The following C12orf42 variants were observed in gnomAD, a reference collection of about 807,000 sequenced individuals.
C12orf42 encodes uncharacterized protein C12orf42.
In C12orf42, 25 loss-of-function variants were observed where a neutral mutation model predicts 21.6. The observed-to-expected ratio is 1.16, with a 90% CI of 0.84 to 1.62. The LOEUF (loss-of-function observed/expected upper bound fraction) is 1.62, where lower values mean the gene tolerates loss of function less well. C12orf42 is among the 40% of genes most tolerant of loss of function. C12orf42 has a pLI of 0.00. For missense variants in C12orf42, 483 were observed against 459.3 expected, an observed-to-expected ratio of 1.05 and a Z score of -0.47; for synonymous variants, 174 against 175.0, an observed-to-expected ratio of 0.99 and a Z score of 0.05.
At chr12:103,124,491 T>C in the C12orf42 span, among the ~76,000 whole-genome samples, 5 of 152,276 alleles carry the variant, frequency 3.3e-5, no homozygotes, top group Non-Finnish European at 7.4e-5. Context: ...GAGATCCTTG[T>C]TCACATGATA....
At chr12:103,271,311 G>A (rs2035460939) in intron 5 of C12orf42, among the ~76,000 whole-genome samples, 1 of 152,142 alleles carries the variant, frequency 6.6e-6, no homozygotes, top group Admixed American at 6.6e-5. Context: ...AATTGTCTTT[G>A]GGAAGATACA....
At chr12:103,283,291 A>G (rs2036243714) in intron 4 of C12orf42, among the ~76,000 whole-genome samples, 1 of 152,148 alleles carries the variant, frequency 6.6e-6, no homozygotes, top group Admixed American at 6.5e-5. Flanking sequence ...CATTTCTACA[A>G]TCACTGTCTT....
At chr12:103,304,686 T>C (rs959502266) in intron 5 of C12orf42, among the ~76,000 whole-genome samples, 3 of 152,324 alleles carry the variant, frequency 2.0e-5, no homozygotes, top group South Asian at 2.1e-4. Flanking sequence ...ACTGAAGATG[T>C]ACATTCCAAT....
chr12:103,086,268 A>C, the C12orf42 span, among the ~76,000 whole-genome samples: 1 of 152,078 alleles, frequency 6.6e-6, no homozygotes. Context: ...ATCTGGATGA[A>C]AGATGAGCTG....
the C12orf42 span, among the ~76,000 whole-genome samples, chr12:103,159,862 C>T: frequency 6.6e-6 from 1 of 152,178 alleles, no homozygotes; most frequent in African/African-American, 2.4e-5. Context: ...CTTGTTCAGA[C>T]TTGGTTTGCA....
chr12:103,137,237 A>T, the C12orf42 span, among the ~76,000 whole-genome samples: 1 of 152,218 alleles, frequency 6.6e-6, no homozygotes, highest in Non-Finnish European at 1.5e-5. Context: ...TTCTCCAAAG[A>T]AGACATACAA....
intron 4 of C12orf42, among the ~76,000 whole-genome samples, chr12:103,359,021 T>G (rs535554701): frequency 8.1e-4 from 124 of 152,162 alleles, no homozygotes; most frequent in African/African-American, 2.9e-3. Flanking sequence ...ACGCTACTCT[T>G]TTCCTTCTTC....
chr12:103,092,863 C>T, the C12orf42 span, among the ~76,000 whole-genome samples: 2 of 152,244 alleles, frequency 1.3e-5, no homozygotes, highest in Non-Finnish European at 2.9e-5. Context: ...CTTTGCCGCT[C>T]TGTCCAGAAA....
intron 4 of C12orf42, among the ~76,000 whole-genome samples, chr12:103,341,864 TA>T (rs1250480179): frequency 6.6e-6 from 1 of 152,154 alleles, no homozygotes; most frequent in African/African-American, 2.4e-5. Flanking sequence ...TTCAAAGAAA[TA>T]AACATTAAAG....
chr12:103,156,852 C>T, the C12orf42 span, among the ~76,000 whole-genome samples: 1 of 152,172 alleles, frequency 6.6e-6, no homozygotes, highest in Admixed American at 6.5e-5. Context: ...ATATAGACCA[C>T]ATTTTTTTAT....
the C12orf42 span, among the ~76,000 whole-genome samples, chr12:103,115,428 A>G: frequency 4.9e-4 from 74 of 152,364 alleles, no homozygotes; most frequent in Admixed American, 1.9e-3. Flanking sequence ...CTGTCACACT[A>G]AAGTCAAAAG....
At chr12:103,272,451 A>G (rs1438140611) in intron 5 of C12orf42, among the ~76,000 whole-genome samples, 1 of 152,112 alleles carries the variant, frequency 6.6e-6, no homozygotes, top group Non-Finnish European at 1.5e-5. Flanking sequence ...AGATCATTCG[A>G]TTTCTTACTG....
At chr12:103,222,464 A>G in the C12orf42 span, among the ~76,000 whole-genome samples, 67,139 of 151,850 alleles carry the variant, frequency 0.44, 15,430 homozygotes, top group East Asian at 0.59. Flanking sequence ...GGGGCAGGGC[A>G]TATTCACTTC....
the C12orf42 span, among the ~76,000 whole-genome samples, chr12:103,068,345 G>T: frequency 6.6e-6 from 1 of 152,120 alleles, no homozygotes; most frequent in Non-Finnish European, 1.5e-5. Context: ...ATTTGGGTTT[G>T]GGATTGGTGC....
At chr12:103,251,005 C>A (rs889594711) in intron 10 of C12orf42, among the ~76,000 whole-genome samples, 1 of 152,036 alleles carries the variant, frequency 6.6e-6, no homozygotes, top group Non-Finnish European at 1.5e-5. Context: ...AAAGACCACC[C>A]CTTTCTGGCA....
chr12:103,438,951 G>A (rs887633991), intron 2 of C12orf42, among the ~76,000 whole-genome samples: 11 of 152,054 alleles, frequency 7.2e-5, no homozygotes, highest in Non-Finnish European at 1.6e-4. Flanking sequence ...CATCGCCAAG[G>A]CAATCATAAG....
the C12orf42 span, among the ~76,000 whole-genome samples, chr12:103,512,318 G>C: frequency 1.3e-5 from 2 of 152,108 alleles, no homozygotes; most frequent in African/African-American, 4.8e-5. Context: ...GTGTGGGTGG[G>C]TGGGGTGTTG....
At chr12:103,504,975 C>T in the C12orf42 span, 4 of 170,030 alleles carry the variant, frequency 2.4e-5, no homozygotes, top group African/African-American at 4.8e-5. Flanking sequence ...CAAACCCCTT[C>T]CCAGAGACAG....
the C12orf42 span, among the ~76,000 whole-genome samples, chr12:103,230,281 C>T: frequency 6.6e-6 from 1 of 152,082 alleles, no homozygotes; most frequent in Non-Finnish European, 1.5e-5. Flanking sequence ...TGCTTCTAAG[C>T]TCCCTTGGGT....
Sources: allele counts gnomAD v4.1 joint callset (sites outside exome capture counted in the v4.1 genomes callset), GRCh38; gene constraint gnomAD v4.1.1; transcripts MANE v1.5; gene names NCBI Gene and HGNC (gene_info 2026-07-23, HGNC 2026-07-21).